The following CAPN1 variants were observed in gnomAD, a reference collection of about 807,000 sequenced individuals.
CAPN1 encodes the protein calpain-1 catalytic subunit.
In CAPN1, 77 loss-of-function variants were observed where a neutral mutation model predicts 105.2. That is an observed-to-expected ratio of 0.73 (90% CI 0.61 to 0.88). The LOEUF is 0.88. CAPN1 is among the 40% of genes least tolerant of loss of function. CAPN1 has a pLI of 0.00. For missense variants in CAPN1, 833 were observed against 976.6 expected (o/e 0.85, Z 1.96); for synonymous variants, 355 against 388.8 (o/e 0.91, Z 1.02).
chr11:65,188,364 G>C lies in CAPN1; in HGVS notation c.930-50G>C. ...GGGTAGACAGGCCCCAGGGACAGAGGCCAGGCAGGTCAGTGCCCACCAGCC... is the reference window on the plus strand; with the variant it reads ...GGGTAGACAGGCCCCAGGGACAGAGCCCAGGCAGGTCAGTGCCCACCAGCC... On this transcript the variant is annotated intron_variant, in intron 8 of 21. Coordinates refer to ENST00000279247, the MANE Select transcript of CAPN1 (RefSeq NM_005186.4). The surrounding 1 kb of genome is among the most constrained non-coding windows in gnomAD (Gnocchi z 5.5). 1 of 1,527,058 alleles carries C rather than the reference G, an allele frequency of 6.5e-7. No homozygotes were observed. Among genetic ancestry groups the C allele is most frequent in the East Asian group, 2.4e-5 (1 of 42,312 alleles). The allele number at this position is 1,527,058 out of a possible 1,614,324, so 94.6% of individuals were successfully genotyped here.
In CAPN1 at chr11:65,211,369, C is replaced by T. The variant is rs1949047247; in HGVS notation, c.*83C>T. ...CCTCCTACCACACCACACCAGGCCA[C>T]CCCAGCTGCAAGTGCCTTCCTTGGA... On this transcript the variant is annotated 3_prime_UTR_variant, in exon 22 of 22. Transcript: ENST00000279247. 3 of 1,390,656 alleles carry T rather than the reference C, an allele frequency of 2.2e-6. No individual in the cohort carries two copies. The highest frequency in any genetic ancestry group is 2.4e-5 in the South Asian group (2 of 83,532). 86.1% of individuals were successfully genotyped at this position (1,390,656 alleles called of 1,614,324 possible). A position where few individuals can be genotyped will look rare whatever the true frequency, so the allele number is the denominator to read the frequency against.
chr11:65,182,274 A>T, intron 1 of CAPN1: 1 of 164,756 alleles, frequency 6.1e-6, no homozygotes, highest in Non-Finnish European at 1.3e-5. Context: ...TGGGGTTTTC[A>T]GCCCACGGCA....
At chr11:65,187,692 G>T (rs917497694) in intron 7 of CAPN1, 6 of 452,094 alleles carry the variant, frequency 1.3e-5, no homozygotes, top group Non-Finnish European at 2.4e-5. Flanking sequence ...TTCGAGACCA[G>T]CCTGGCCAAC....
chr11:65,184,358 C>G (rs1440516530), intron 4 of CAPN1, among the ~76,000 whole-genome samples: 1 of 152,176 alleles, frequency 6.6e-6, no homozygotes, highest in Non-Finnish European at 1.5e-5. Flanking sequence ...TCTGCAGGGG[C>G]GCAGTCTCGC....
At position 65,209,873 on chromosome 11, in the gene CAPN1, CT is replaced by C. The variant is rs777025249; in HGVS notation, c.1820del (p.Leu607ArgfsTer29). The C allele has an allele frequency of 6.2e-7, 1 of 1,613,776 alleles. No homozygotes were observed. The highest frequency in any genetic ancestry group is 1.7e-5 in the Admixed American group (1 of 60,006). Reference sequence around the variant, plus strand: ...GCGTGATGGCAATGGGAAGCTGGGCCTGGTGGAGTTCAACATCCTGTGGAAC... The same window carrying C: ...GCGTGATGGCAATGGGAAGCTGGGCCGGTGGAGTTCAACATCCTGTGGAAC... ...MDRDGNGKLGLVEFNILWNRI... is the reference protein window; with the variant it reads ...MDRDGNGKLGXVEFNILWNRI... On this transcript the variant is annotated frameshift_variant, in exon 18 of 22. Coordinates refer to ENST00000279247, the MANE Select transcript of CAPN1 (RefSeq NM_005186.4). LOFTEE classifies it high-confidence loss of function. The surrounding 1 kb of genome is among the most constrained non-coding windows in gnomAD (Gnocchi z 4.1).
Position 65,204,716 on chromosome 11 carries a change from G to A in CAPN1, c.1199G>A (p.Arg400Gln), listed in dbSNP as rs1391341844. 9.3e-6 allele frequency: 15 copies of A among 1,612,916 alleles called. No individual in the cohort carries two copies. Among genetic ancestry groups the A allele is most frequent in the African/African-American group, 1.3e-5 (1 of 74,952 alleles). ...TFWVNPQFKI[R>Q]LDETDDPDDY... ...TGGGTGAACCCTCAGTTCAAGATCC[G>A]GCTGGATGAGACGGATGACCCGGAC... Residue 400 changes from arginine to glutamine, a missense_variant, in exon 11 of 22, where the codon CGG becomes CAG. Physicochemically the swap from Arg to Gln is conservative, Grantham distance 43. Transcript: ENST00000279247.
Position 65,209,946 on chromosome 11 carries a change from G to A in CAPN1, c.1863+29G>A. ...GGTTGTCCCCACTCACCTCAGTCAT[G>A]CAGGTGCGGGCCGGGCAGGTGGGAA... On this transcript the variant is annotated intron_variant, in intron 18 of 21. Coordinates refer to ENST00000279247, the MANE Select transcript of CAPN1 (RefSeq NM_005186.4). This position sits in a 1 kb window ranked among gnomAD's most constrained non-coding sequence, Gnocchi z 4.1. 4 of 1,611,990 alleles carry A rather than the reference G, an allele frequency of 2.5e-6. No homozygotes were observed. Among genetic ancestry groups the A allele is most frequent in the Non-Finnish European group, 1.7e-6 (2 of 1,178,434 alleles).
At chr11:65,199,180 A>G (rs1219748479) in intron 10 of CAPN1, among the ~76,000 whole-genome samples, 1 of 152,148 alleles carries the variant, frequency 6.6e-6, no homozygotes, top group Non-Finnish European at 1.5e-5. Context: ...TCTGTTGGTT[A>G]TAAACTTTCT....
At position 65,209,255 on chromosome 11, in the gene CAPN1, G is replaced by C. The variant is rs1949007477; in HGVS notation, c.1730-68G>C. On this transcript the variant is annotated intron_variant, in intron 16 of 21. Coordinates refer to ENST00000279247, the MANE Select transcript of CAPN1 (RefSeq NM_005186.4). This position sits in a 1 kb window ranked among gnomAD's most constrained non-coding sequence, Gnocchi z 4.1. ...TGCGTCCTTGACTCTGCCCCACCCA[G>C]TGCTCCCAGCAGGGGCAGGTGCAGG... is the stretch of plus-strand genomic sequence containing the variant. 1 of 1,315,380 alleles carries C rather than the reference G, an allele frequency of 7.6e-7. No individual in the cohort carries two copies. The highest frequency in any genetic ancestry group is 1.2e-5 in the South Asian group (1 of 81,738). The allele number at this position is 1,315,380 out of a possible 1,614,324, so 81.5% of individuals were successfully genotyped here.
Position 65,209,956 on chromosome 11 carries a change from G to A in CAPN1, c.1863+39G>A, listed in dbSNP as rs1448664360. Reference sequence around the variant, plus strand: ...ACTCACCTCAGTCATGCAGGTGCGGGCCGGGCAGGTGGGAAGGGCCGGGTG... The same window carrying A: ...ACTCACCTCAGTCATGCAGGTGCGGACCGGGCAGGTGGGAAGGGCCGGGTG... On this transcript the variant is annotated intron_variant, in intron 18 of 21. Transcript: ENST00000279247. This position sits in a 1 kb window ranked among gnomAD's most constrained non-coding sequence, Gnocchi z 4.1. The A allele has an allele frequency of 6.2e-7, 1 of 1,612,216 alleles. No individual in the cohort carries two copies. Among genetic ancestry groups the A allele is most frequent in the Middle Eastern group, 1.7e-4 (1 of 6,060 alleles).
At chr11:65,205,132 C>T (rs912312344) in intron 11 of CAPN1, among the ~76,000 whole-genome samples, 13 of 152,224 alleles carry the variant, frequency 8.5e-5, no homozygotes, top group Non-Finnish European at 1.9e-4. Context: ...GCCTGCTGCT[C>T]TTGGAGGAGG....
At chr11:65,194,545 C>T (rs964107492) in intron 10 of CAPN1, among the ~76,000 whole-genome samples, 8 of 152,194 alleles carry the variant, frequency 5.3e-5, no homozygotes, top group African/African-American at 1.4e-4. Context: ...ATTTCTTCAC[C>T]GCCCCCACCC....
chr11:65,188,606 T>G lies in CAPN1; in HGVS notation c.1025T>G (p.Met342Arg). 2 of 1,613,986 alleles carry G rather than the reference T, an allele frequency of 1.2e-6. No individual in the cohort carries two copies. Among genetic ancestry groups the G allele is most frequent in the Non-Finnish European group, 1.7e-6 (2 of 1,179,870 alleles). ...CTCAGGATGTCATTCCGAGACTTCA[T>G]GCGGGAGTTCACCCGCCTGGAGATC... ...GEFWMSFRDF[M>R]REFTRLEICN... The change falls in exon 10 of 22, where the codon ATG becomes AGG. Residue 342 changes from methionine to arginine, a missense_variant. By Grantham distance (91) the Met-to-Arg change is moderately conservative. Transcript: ENST00000279247. The surrounding 1 kb of genome is among the most constrained non-coding windows in gnomAD (Gnocchi z 5.5).
intron 10 of CAPN1, among the ~76,000 whole-genome samples, chr11:65,202,074 C>T (rs1215932667): frequency 6.6e-6 from 1 of 152,116 alleles, no homozygotes; most frequent in Admixed American, 6.6e-5. Flanking sequence ...ATCCACCCGC[C>T]TCGGCCTCCC....
chr11:65,201,371 A>T (rs1461788098), intron 10 of CAPN1, among the ~76,000 whole-genome samples: 2 of 152,166 alleles, frequency 1.3e-5, no homozygotes, highest in African/African-American at 4.8e-5. Context: ...ACAGTCCATC[A>T]GCCACTGTGC....
chr11:65,204,971 C>T (rs947265768), intron 11 of CAPN1, 113 bp downstream of exon 11: 3 of 843,624 alleles, frequency 3.6e-6, no homozygotes, highest in African/African-American at 3.4e-5. Flanking sequence ...ATGCCCTTCC[C>T]CACAAATTCC....
At position 65,209,592 on chromosome 11, in the gene CAPN1, G is replaced by A; in HGVS notation, c.1794+205G>A. 1 of 642,570 alleles carries A rather than the reference G, an allele frequency of 1.6e-6. No homozygotes were observed. The highest frequency in any genetic ancestry group is 1.9e-5 in the South Asian group (1 of 53,094). The allele number at this position is 642,570 out of a possible 1,614,324, so 39.8% of individuals were successfully genotyped here. A position where few individuals can be genotyped will look rare whatever the true frequency, so the allele number is the denominator to read the frequency against. On this transcript the variant is annotated intron_variant, in intron 17 of 21. Transcript: ENST00000279247. This position sits in a 1 kb window ranked among gnomAD's most constrained non-coding sequence, Gnocchi z 4.1. ...AGGCACAGACCTGTGTCAAGTGAAA[G>A]GTGGAGCAAGACCTGGGTCCCCATT... is the stretch of plus-strand genomic sequence containing the variant.
chr11:65,185,887 G>A (rs1243855906), intron 4 of CAPN1, 30 bp from the exon 5 acceptor site: 2 of 1,563,340 alleles, frequency 1.3e-6, no homozygotes, highest in Non-Finnish European at 1.7e-6. Context: ...GGATTCCAAA[G>A]CAGGTACTCA....
chr11:65,209,266 A>G lies in CAPN1; in HGVS notation c.1730-57A>G. 3 of 1,426,452 alleles carry G rather than the reference A, an allele frequency of 2.1e-6. No homozygotes were observed. The highest frequency in any genetic ancestry group is 2.9e-6 in the Non-Finnish European group (3 of 1,018,812). 88.4% of individuals were successfully genotyped at this position (1,426,452 alleles called of 1,614,324 possible). On this transcript the variant is annotated intron_variant, in intron 16 of 21. Coordinates refer to ENST00000279247, the MANE Select transcript of CAPN1 (RefSeq NM_005186.4). The surrounding 1 kb of genome is among the most constrained non-coding windows in gnomAD (Gnocchi z 4.1). ...CTCTGCCCCACCCAGTGCTCCCAGC[A>G]GGGGCAGGTGCAGGAAGCTCACTAG...
Sources: allele counts gnomAD v4.1 joint callset (sites outside exome capture counted in the v4.1 genomes callset), GRCh38; gene constraint gnomAD v4.1.1; non-coding constraint Gnocchi (gnomAD v3.1); transcripts MANE v1.5; gene names NCBI Gene and HGNC (gene_info 2026-07-23, HGNC 2026-07-21).